The following PLA2R1 variants were observed in gnomAD, a reference collection of about 807,000 sequenced individuals.
The protein encoded by PLA2R1 is secretory phospholipase A2 receptor.
In PLA2R1, 158 loss-of-function variants were observed where a neutral mutation model predicts 195.9. The ratio of observed to expected loss-of-function variants is 0.81; its 90% CI spans 0.71 to 0.92. PLA2R1 has a LOEUF of 0.92. Among genes scored for constraint, PLA2R1 ranks in the 40% least tolerant of loss-of-function variants. PLA2R1 has a pLI of 0.00. For missense variants in PLA2R1, 1,626 were observed against 1,764.6 expected (o/e 0.92, Z 1.41); for synonymous variants, 586 against 598.2 (o/e 0.98, Z 0.30).
intron 1 of PLA2R1, among the ~76,000 whole-genome samples, chr2:160,059,998 G>C (rs950361339): frequency 2.6e-5 from 4 of 152,122 alleles, no homozygotes; most frequent in African/African-American, 9.7e-5. Flanking sequence ...ACCATATCAA[G>C]AATTATTGAT....
Position 159,951,515 on chromosome 2 carries a change from C to G in PLA2R1, c.3365G>C (p.Gly1122Ala). Reference protein sequence around the residue: ...MYPMPNTLEYGNRTYKIINAN... With the variant: ...MYPMPNTLEYANRTYKIINAN... Reference sequence around the variant, plus strand: ...ATTAATTATTTTGTAAGTTCTGTTTCCATATTCTAAGGTATTGGGCATTGG... The same window carrying G: ...ATTAATTATTTTGTAAGTTCTGTTTGCATATTCTAAGGTATTGGGCATTGG... Residue 1122 changes from glycine to alanine, a missense_variant, in exon 24 of 30, where the codon GGA becomes GCA. By Grantham distance (60) the Gly-to-Ala change is moderately conservative. Transcript: ENST00000283243. 6.2e-7 allele frequency: 1 copy of G among 1,609,092 alleles called. No homozygotes were observed. The highest frequency in any genetic ancestry group is 1.1e-5 in the South Asian group (1 of 91,020).
chr2:159,926,123 G>A, the PLA2R1 span, among the ~76,000 whole-genome samples: 6 of 152,326 alleles, frequency 3.9e-5, no homozygotes, highest in South Asian at 2.1e-4. Flanking sequence ...GCACTGAAGC[G>A]GAAGCTTTCT....
intron 16 of PLA2R1, 135 bp downstream of exon 16, chr2:159,976,549 CA>C: frequency 4.7e-6 from 3 of 634,648 alleles, no homozygotes; most frequent in Non-Finnish European, 8.4e-6. Context: ...TTAATTTGAA[CA>C]AATTAGCTCT....
At chr2:160,003,760 A>G (rs959793016) in intron 11 of PLA2R1, among the ~76,000 whole-genome samples, 1 of 152,226 alleles carries the variant, frequency 6.6e-6, no homozygotes, top group Admixed American at 6.5e-5. Context: ...AGTTATGCAC[A>G]GCGACATCAA....
At chr2:160,057,209 C>T (rs1695607120) in intron 1 of PLA2R1, among the ~76,000 whole-genome samples, 1 of 152,166 alleles carries the variant, frequency 6.6e-6, no homozygotes, top group East Asian at 1.9e-4. Flanking sequence ...AAACAGTCAA[C>T]AGAAAGAACA....
In PLA2R1 at chr2:160,013,302, C is replaced by A; in HGVS notation, c.1625G>T (p.Gly542Val). Residue 542 changes from glycine to valine, a missense_variant, in exon 10 of 30, where the codon GGT becomes GTT. Gly to Val is a moderately radical substitution (Grantham distance 109). Coordinates refer to ENST00000283243, the MANE Select transcript of PLA2R1 (RefSeq NM_007366.5). ...VLRSFDQASS[G>V]YYCPPALVTI... ...TACAAGTGCAGGAGGACAGTAATAA[C>A]CGCTGGAAGCTTGGTCAAAGCTTCG... is the stretch of plus-strand genomic sequence containing the variant. 6.2e-7 allele frequency: 1 copy of A among 1,610,414 alleles called. No homozygotes were observed. Among genetic ancestry groups the A allele is most frequent in the Non-Finnish European group, 8.5e-7 (1 of 1,176,862 alleles).
chr2:159,962,594 T>C (rs1015512020), intron 20 of PLA2R1, among the ~76,000 whole-genome samples: 5 of 152,218 alleles, frequency 3.3e-5, no homozygotes, highest in African/African-American at 7.2e-5. Context: ...TGTTTGTTTA[T>C]TGCAGCACTA....
chr2:159,978,957 T>C (rs80137562), intron 14 of PLA2R1, among the ~76,000 whole-genome samples: 2,129 of 152,290 alleles, frequency 0.014, 25 homozygotes, highest in Admixed American at 0.032. Flanking sequence ...GGCTCTCCTA[T>C]ATATTTTAGG....
rs915671608 is a variant in PLA2R1 at position 159,951,543 on chromosome 2, A to T, written c.3337T>A (p.Tyr1113Asn). 1 of 1,592,012 alleles carries T rather than the reference A, an allele frequency of 6.3e-7. No homozygotes were observed. Among genetic ancestry groups the T allele is most frequent in the Non-Finnish European group, 8.6e-7 (1 of 1,159,380 alleles). ...SGHGVNTSDMYPMPNTLEYGN... is the reference protein window; with the variant it reads ...SGHGVNTSDMNPMPNTLEYGN... ...TATTCTAAGGTATTGGGCATTGGAT[A>T]CATATCAGATGTATTTACACCGTGT... The change falls in exon 24 of 30, where the codon TAT (tyrosine) becomes AAT (asparagine). Residue 1113 changes from tyrosine to asparagine, a missense_variant. Physicochemically the swap from Tyr to Asn is moderately radical, Grantham distance 143 (BLOSUM62 -2). Coordinates refer to ENST00000283243, the MANE Select transcript of PLA2R1 (RefSeq NM_007366.5).
At chr2:159,954,737 A>T (rs540150452) in intron 23 of PLA2R1, among the ~76,000 whole-genome samples, 1 of 152,242 alleles carries the variant, frequency 6.6e-6, no homozygotes, top group East Asian at 1.9e-4. Flanking sequence ...TTGGCATTTC[A>T]CACAGAAACC....
At chr2:160,043,194 C>T (rs545263545) in intron 2 of PLA2R1, among the ~76,000 whole-genome samples, 10 of 152,088 alleles carry the variant, frequency 6.6e-5, no homozygotes, top group South Asian at 2.1e-4. Flanking sequence ...AAGTCTCTTG[C>T]GGGTTTTGAA....
rs1686628561 is a variant in PLA2R1 at position 159,932,449 on chromosome 2, A to G, written c.*9329T>C. On this transcript the variant is annotated 3_prime_UTR_variant, in exon 30 of 30. Coordinates refer to ENST00000283243, the MANE Select transcript of PLA2R1 (RefSeq NM_007366.5). ...CCACAGAACCACATTTTGGGCTAAGAACTCCAAAGCCCTTGGTGACTCACT... is the reference window on the plus strand; with the variant it reads ...CCACAGAACCACATTTTGGGCTAAGGACTCCAAAGCCCTTGGTGACTCACT... The G allele has an allele frequency of 6.6e-6, 1 of 152,252 alleles. No individual in the cohort carries two copies. The highest frequency in any genetic ancestry group is 2.4e-5 in the African/African-American group (1 of 41,444). 9.4% of individuals were successfully genotyped at this position (152,252 alleles called of 1,614,324 possible).
chr2:159,979,860 G>T lies in PLA2R1; in HGVS notation c.2238C>A (p.Ala746=). 6.2e-7 allele frequency: 1 copy of T among 1,605,854 alleles called. No individual in the cohort carries two copies. The highest frequency in any genetic ancestry group is 8.5e-7 in the Non-Finnish European group (1 of 1,173,046). ...TTCTATCAGACCACTCCCATGAGCCGGCATTCAGTGGGTTTCTTTTATTAA... is the reference window on the plus strand; with the variant it reads ...TTCTATCAGACCACTCCCATGAGCCTGCATTCAGTGGGTTTCTTTTATTAA... The part of the protein sequence containing the change: ...IGFNKRNPLN[A]GSWEWSDRTP... The change falls in exon 14 of 30, where the codon GCC becomes GCA. Residue 746 remains alanine (A), a synonymous_variant. Coordinates refer to ENST00000283243, the MANE Select transcript of PLA2R1 (RefSeq NM_007366.5).
At chr2:159,979,566 C>T (rs900793516) in intron 14 of PLA2R1, among the ~76,000 whole-genome samples, 1 of 152,114 alleles carries the variant, frequency 6.6e-6, no homozygotes, top group African/African-American at 2.4e-5. Flanking sequence ...GCCAGAGAGA[C>T]TTCATATGGG....
chr2:160,048,674 A>G (rs892824812), intron 1 of PLA2R1, among the ~76,000 whole-genome samples: 1 of 152,140 alleles, frequency 6.6e-6, no homozygotes, highest in Non-Finnish European at 1.5e-5. Flanking sequence ...AGGAATCAAG[A>G]TTGATTATAC....
chr2:160,000,012 G>A lies in PLA2R1; in HGVS notation c.1834+5640C>T, dbSNP rs145963963. Reference sequence around the variant, plus strand: ...AAACAAATCTATAGAGCTTGCAAATGAAGTAAAAGTATGAACCATGGTAGC... The same window carrying A: ...AAACAAATCTATAGAGCTTGCAAATAAAGTAAAAGTATGAACCATGGTAGC... On this transcript the variant is annotated intron_variant, in intron 11 of 29. Coordinates refer to ENST00000283243, the MANE Select transcript of PLA2R1 (RefSeq NM_007366.5). 1.5e-4 allele frequency among the ~76,000 whole-genome samples: 23 copies of A among 152,272 alleles called. No individual in the cohort carries two copies. The East Asian group carries it at 3.1e-3, about 20-fold the overall frequency.
rs933071279 is a variant in PLA2R1, at chr2:159,937,852, G to C, written c.*3926C>G. 4 of 152,188 alleles carry C rather than the reference G, an allele frequency of 2.6e-5. No individual in the cohort carries two copies. Among genetic ancestry groups the C allele is most frequent in the African/African-American group, 9.7e-5 (4 of 41,450 alleles). 9.4% of individuals were successfully genotyped at this position (152,188 alleles called of 1,614,324 possible). A position where few individuals can be genotyped will look rare whatever the true frequency, so the allele number is the denominator to read the frequency against. On this transcript the variant is annotated 3_prime_UTR_variant, in exon 30 of 30. Coordinates refer to ENST00000283243, the MANE Select transcript of PLA2R1 (RefSeq NM_007366.5). ...AGAAAGACGTGAGGATCTACAGAATGAGTTTACAATTTCTTTATTAAAAGA... is the reference window on the plus strand; with the variant it reads ...AGAAAGACGTGAGGATCTACAGAATCAGTTTACAATTTCTTTATTAAAAGA...
At chr2:160,026,354 T>C (rs1262157223) in intron 6 of PLA2R1, among the ~76,000 whole-genome samples, 1 of 152,140 alleles carries the variant, frequency 6.6e-6, no homozygotes. Context: ...TTATACATAG[T>C]ATGTGGGTAA....
intron 3 of PLA2R1, among the ~76,000 whole-genome samples, chr2:160,035,430 A>G (rs1186494859): frequency 6.6e-6 from 1 of 152,186 alleles, no homozygotes; most frequent in Admixed American, 6.5e-5. Context: ...TAGCCCCTGT[A>G]TCCCAACAAG....
Sources: allele counts gnomAD v4.1 joint callset (sites outside exome capture counted in the v4.1 genomes callset), GRCh38; gene constraint gnomAD v4.1.1; transcripts MANE v1.5; gene names NCBI Gene and HGNC (gene_info 2026-07-23, HGNC 2026-07-21).